RBFOX1: variants seen among roughly 807,000 people sequenced by gnomAD.
RBFOX1 encodes RNA binding protein fox-1 homolog 1.
In RBFOX1, 8 loss-of-function variants were observed where a neutral mutation model predicts 57.7. That is an observed-to-expected ratio of 0.14 (90% CI 0.08 to 0.25). RBFOX1 has a LOEUF of 0.25. Ranked by LOEUF, RBFOX1 falls within the 10% of genes least tolerant of loss-of-function variation. The probability of loss-of-function intolerance (pLI) is 1.00; values close to 1 mark genes in which losing one functional copy is unlikely to be tolerated. For synonymous variants in RBFOX1, 326 were observed against 222.4 expected, an observed-to-expected ratio of 1.47 and a Z score of -4.15; for missense variants, 611 against 548.5, an observed-to-expected ratio of 1.11 and a Z score of -1.14.
chr16:6,667,706 A>T (rs1256135918), intron 3 of RBFOX1, among the ~76,000 whole-genome samples: 2 of 151,984 alleles, frequency 1.3e-5, no homozygotes, highest in African/African-American at 4.8e-5. Flanking sequence ...CATATACCCT[A>T]TTTCTGCAAA....
intron 4 of RBFOX1, among the ~76,000 whole-genome samples, chr16:7,413,820 C>G (rs112570123): frequency 2.6e-5 from 4 of 152,238 alleles, no homozygotes; most frequent in African/African-American, 9.6e-5. Flanking sequence ...TCATGAAGCC[C>G]ATGAACTTGG....
rs1473190631 is a variant in RBFOX1, at chr16:6,023,626, A to G, written c.-127+3634A>G. Reference sequence around the variant, plus strand: ...TTTCCCAGTGGCGTGTAAGGAGACTATTGAAATCCTAGCACGTTTGCTCTG... The same window carrying G: ...TTTCCCAGTGGCGTGTAAGGAGACTGTTGAAATCCTAGCACGTTTGCTCTG... On this transcript the variant is annotated intron_variant, in intron 1 of 15. Transcript: ENST00000550418. Among the ~76,000 whole-genome samples, 3 of 152,208 alleles carry G rather than the reference A, an allele frequency of 2.0e-5. No individual in the cohort carries two copies. In the East Asian group the frequency reaches 5.8e-4, roughly 29 times the overall value.
intron 3 of RBFOX1, among the ~76,000 whole-genome samples, chr16:6,927,860 A>G (rs1003661628): frequency 3.3e-5 from 5 of 152,186 alleles, no homozygotes; most frequent in Admixed American, 6.5e-5. Context: ...ACAACACATC[A>G]TTTCAAGTGT....
Position 5,316,710 on chromosome 16 carries a change from A to T in RBFOX1, c.219+76605A>T, listed in dbSNP as rs17137806. 7.3e-3 allele frequency among the ~76,000 whole-genome samples: 1,112 copies of T among 152,238 alleles called. 11 individuals are homozygous for T. Among genetic ancestry groups the T allele is most frequent in the African/African-American group, 0.025 (1,046 of 41,534 alleles). Reference sequence around the variant, plus strand: ...GGTGAAGCACTTTGTATTCTAAACCATTGCATTAATTATTCTCAACACACT... The same window carrying T: ...GGTGAAGCACTTTGTATTCTAAACCTTTGCATTAATTATTCTCAACACACT... On this transcript the variant is annotated intron_variant, in intron 1 of 2. Coordinates refer to the RBFOX1 transcript ENST00000585867.
chr16:7,432,461 C>G lies in RBFOX1; in HGVS notation c.28-85686C>G, dbSNP rs556852067. The stretch of plus-strand genomic sequence containing the variant: ...CTGAGGCTGCTTGGAGAGACTGTCA[C>G]TCAGGTTGCATTGCACCTTAAAGAC... On this transcript the variant is annotated intron_variant, in intron 4 of 15. Transcript: ENST00000550418. Among the ~76,000 whole-genome samples the G allele has an allele frequency of 2.0e-5, 3 of 152,308 alleles. No homozygotes were observed. The East Asian group carries it at 5.8e-4, about 29-fold the overall frequency.
chr16:5,526,485 T>C (rs62018370), intron 2 of RBFOX1, among the ~76,000 whole-genome samples: 61,882 of 151,672 alleles, frequency 0.41, 14,057 homozygotes, highest in East Asian at 0.96. Flanking sequence ...GATGGGGTTT[T>C]ACCATGTTGA....
intron 3 of RBFOX1, among the ~76,000 whole-genome samples, chr16:6,695,840 G>A (rs574290255): frequency 6.6e-6 from 1 of 152,232 alleles, no homozygotes; most frequent in African/African-American, 2.4e-5. Context: ...TGTTTTCCCT[G>A]CTGGAAATCC....
intron 9 of RBFOX1, among the ~76,000 whole-genome samples, chr16:7,601,764 AGTCT>A (rs796096514): frequency 7.1e-4 from 108 of 152,286 alleles, no homozygotes; most frequent in African/African-American, 2.4e-3. Context: ...ACCTCTAATA[AGTCT>A]GTCTGTGAGG....
chr16:6,576,638 T>A (rs1405613533), intron 2 of RBFOX1, among the ~76,000 whole-genome samples: 1 of 141,776 alleles, frequency 7.1e-6, no homozygotes, highest in Non-Finnish European at 1.6e-5. Context: ...TGGGGGGTTG[T>A]TCCTATTTTT....
chr16:6,235,762 A>G (rs2097501294), intron 1 of RBFOX1, among the ~76,000 whole-genome samples: 1 of 152,166 alleles, frequency 6.6e-6, no homozygotes, highest in Non-Finnish European at 1.5e-5. Flanking sequence ...CAGGAATGGA[A>G]AACCAAACGT....
intron 2 of RBFOX1, among the ~76,000 whole-genome samples, chr16:5,583,164 T>C (rs910276692): frequency 2.6e-5 from 4 of 152,192 alleles, no homozygotes; most frequent in Non-Finnish European, 5.9e-5. Flanking sequence ...TGTACAGCCA[T>C]AGAATGCCAT....
intron 4 of RBFOX1, among the ~76,000 whole-genome samples, chr16:7,437,927 C>G (rs553977230): frequency 4.0e-5 from 6 of 151,392 alleles, no homozygotes; most frequent in African/African-American, 1.5e-4. Flanking sequence ...AAAAGCACAC[C>G]GCGATCATCA....
intron 3 of RBFOX1, among the ~76,000 whole-genome samples, chr16:6,865,703 T>A (rs926860049): frequency 6.6e-6 from 1 of 152,236 alleles, no homozygotes; most frequent in African/African-American, 2.4e-5. Context: ...TCATTTTACC[T>A]TCTCATTTTG....
intron 10 of RBFOX1, among the ~76,000 whole-genome samples, chr16:7,609,000 G>C (rs929458676): frequency 5.3e-5 from 8 of 152,170 alleles, no homozygotes; most frequent in African/African-American, 1.9e-4. Context: ...AGTTTATTCA[G>C]GGGACACACA....
At chr16:6,033,398 C>G (rs919153415) in intron 1 of RBFOX1, among the ~76,000 whole-genome samples, 8 of 152,198 alleles carry the variant, frequency 5.3e-5, no homozygotes, top group Non-Finnish European at 5.9e-5. Context: ...CTCTCTTGCA[C>G]TTGCCTTGCA....
chr16:6,292,764 C>A (rs2077603323), intron 1 of RBFOX1, among the ~76,000 whole-genome samples: 2 of 152,162 alleles, frequency 1.3e-5, no homozygotes, highest in South Asian at 2.1e-4. Context: ...CTCTGTAGTC[C>A]TCTGGGTTTG....
intron 2 of RBFOX1, among the ~76,000 whole-genome samples, chr16:6,415,242 C>CAAAA (rs57296761): frequency 1.1e-4 from 11 of 102,092 alleles, no homozygotes; most frequent in African/African-American, 3.7e-4. Flanking sequence ...AACTCTGTCA[C>CAAAA]AAAAAAAAAA....
At chr16:7,267,911 C>T (rs2095211787) in intron 4 of RBFOX1, among the ~76,000 whole-genome samples, 1 of 152,168 alleles carries the variant, frequency 6.6e-6, no homozygotes, top group Admixed American at 6.5e-5. Flanking sequence ...AGAAGCACTT[C>T]AGTACAGTCA....
intron 3 of RBFOX1, among the ~76,000 whole-genome samples, chr16:6,964,238 C>G (rs183749699): frequency 7.3e-5 from 11 of 151,412 alleles, no homozygotes; most frequent in South Asian, 2.1e-4. Context: ...AGGCTGGTCT[C>G]GAACTGCTGA....
Sources: allele counts gnomAD v4.1 joint callset (sites outside exome capture counted in the v4.1 genomes callset), GRCh38; gene constraint gnomAD v4.1.1; transcripts MANE v1.5; gene names NCBI Gene and HGNC (gene_info 2026-07-23, HGNC 2026-07-21).